ZEB1: variants seen among roughly 807,000 people sequenced by gnomAD.
ZEB1 encodes zinc finger E-box-binding homeobox 1.
A neutral mutation model predicts 84.9 loss-of-function variants in ZEB1; 21 were observed. The observed-to-expected ratio is 0.25, with a 90% CI of 0.18 to 0.36. The LOEUF (loss-of-function observed/expected upper bound fraction) is 0.36, where lower values mean the gene tolerates loss of function less well. Ranked by LOEUF, ZEB1 falls within the 10% of genes least tolerant of loss-of-function variation. The probability of loss-of-function intolerance (pLI) is 1.00; values close to 1 mark genes in which losing one functional copy is unlikely to be tolerated. For missense variants in ZEB1, 1,104 were observed against 1,330.2 expected (o/e 0.83, Z 2.65); for synonymous variants, 420 against 471.1 (o/e 0.89, Z 1.41).
At chr10:31,496,840 A>T (rs141436638) in intron 3 of ZEB1, among the ~76,000 whole-genome samples, 5 of 152,086 alleles carry the variant, frequency 3.3e-5, no homozygotes, top group Non-Finnish European at 5.9e-5. Flanking sequence ...TTCATGGCTA[A>T]TAAGTGTCAA....
At chr10:31,476,556 C>T (rs188627692) in intron 2 of ZEB1, among the ~76,000 whole-genome samples, 61 of 152,132 alleles carry the variant, frequency 4.0e-4, no homozygotes, top group Admixed American at 5.9e-4. Flanking sequence ...AGGTACCAGT[C>T]TTACAGAAAC....
At chr10:31,323,042 A>C (rs1056102904) in intron 1 of ZEB1, among the ~76,000 whole-genome samples, 1 of 152,188 alleles carries the variant, frequency 6.6e-6, no homozygotes, top group African/African-American at 2.4e-5. Context: ...TGCCGAAACT[A>C]GAAAGAAGCA....
chr10:31,469,241 A>G (rs2062840073), intron 2 of ZEB1, among the ~76,000 whole-genome samples: 4 of 152,226 alleles, frequency 2.6e-5, no homozygotes, highest in Non-Finnish European at 5.9e-5. Flanking sequence ...GCTCCGGTCT[A>G]CAGCTCCCAG....
intron 2 of ZEB1, among the ~76,000 whole-genome samples, chr10:31,471,402 G>A (rs2063219406): frequency 6.6e-6 from 1 of 151,072 alleles, no homozygotes; most frequent in African/African-American, 2.4e-5. Flanking sequence ...AAAAAAGGCA[G>A]GGGTTGCAAT....
chr10:31,496,132 T>C (rs1266018158), intron 3 of ZEB1, among the ~76,000 whole-genome samples: 1 of 152,066 alleles, frequency 6.6e-6, no homozygotes, highest in Non-Finnish European at 1.5e-5. Flanking sequence ...GATTTGAACT[T>C]CTATCAAGTT....
intron 1 of ZEB1, among the ~76,000 whole-genome samples, chr10:31,358,846 G>A (rs1443268729): frequency 6.6e-6 from 1 of 152,094 alleles, no homozygotes; most frequent in African/African-American, 2.4e-5. Context: ...AAATATTTTA[G>A]TATCTGGGTC....
intron 1 of ZEB1, among the ~76,000 whole-genome samples, chr10:31,343,949 C>T (rs1366129410): frequency 2.0e-5 from 3 of 152,038 alleles, no homozygotes; most frequent in East Asian, 1.9e-4. Flanking sequence ...ATAATCCCCA[C>T]GTTTTTCTTT....
chr10:31,421,925 G>A (rs1353560096), intron 1 of ZEB1, among the ~76,000 whole-genome samples: 1 of 152,024 alleles, frequency 6.6e-6, no homozygotes, highest in African/African-American at 2.4e-5. Flanking sequence ...TCAAATCACA[G>A]TATTCCCCCC....
intron 1 of ZEB1, among the ~76,000 whole-genome samples, chr10:31,346,062 G>A (rs1019481642): frequency 6.6e-5 from 10 of 152,126 alleles, no homozygotes; most frequent in Non-Finnish European, 8.8e-5. Context: ...CAGAAGCTAC[G>A]ATTTTCTTAC....
chr10:31,366,628 G>GT (rs1564610203), intron 1 of ZEB1, among the ~76,000 whole-genome samples: 1 of 152,154 alleles, frequency 6.6e-6, no homozygotes, highest in Admixed American at 6.5e-5. Flanking sequence ...AATATTCAAC[G>GT]TACTGTCCTG....
intron 1 of ZEB1, among the ~76,000 whole-genome samples, chr10:31,433,708 ACTT>A (rs1347462531): frequency 2.6e-5 from 4 of 152,220 alleles, no homozygotes; most frequent in Non-Finnish European, 4.4e-5. Context: ...AATTTTTACT[ACTT>A]CATCAAGGAT....
chr10:31,523,630 A>G lies in ZEB1; in HGVS notation c.2605-303A>G, dbSNP rs561986371. Among the ~76,000 whole-genome samples the G allele has an allele frequency of 4.6e-5, 7 of 152,350 alleles. No homozygotes were observed. The South Asian group carries it at 1.2e-3, about 27-fold the overall frequency. ...ATGAAACTAGGTAAACTCTGTTACT[A>G]TATATTTTACATGCTTTCTTTTCGG... On this transcript the variant is annotated intron_variant, in intron 7 of 8. Transcript: ENST00000424869.
At chr10:31,387,864 A>G in intron 1 of ZEB1, 7 of 676,424 alleles carry the variant, frequency 1.0e-5, no homozygotes, top group Non-Finnish European at 1.1e-5. Context: ...ACTTGAAAAA[A>G]TTACTTAAAA....
intron 1 of ZEB1, among the ~76,000 whole-genome samples, chr10:31,383,725 T>A (rs2048110898): frequency 6.6e-6 from 1 of 152,188 alleles, no homozygotes; most frequent in African/African-American, 2.4e-5. Flanking sequence ...AGTAGTCATA[T>A]ATGGCTAATG....
At chr10:31,375,304 C>T (rs1470838821) in intron 1 of ZEB1, among the ~76,000 whole-genome samples, 3 of 151,704 alleles carry the variant, frequency 2.0e-5, no homozygotes, top group African/African-American at 7.3e-5. Flanking sequence ...AGAAAGATGT[C>T]CTTCCCATAC....
chr10:31,405,788 G>T (rs1590910697), intron 1 of ZEB1, among the ~76,000 whole-genome samples: 1 of 151,592 alleles, frequency 6.6e-6, no homozygotes, highest in East Asian at 1.9e-4. Flanking sequence ...GTGGTTTGTT[G>T]CACCCATCAA....
intron 8 of ZEB1, among the ~76,000 whole-genome samples, chr10:31,526,183 A>G (rs2073402392): frequency 6.6e-6 from 1 of 152,228 alleles, no homozygotes; most frequent in Admixed American, 6.5e-5. Context: ...TATATACTGT[A>G]TATTTATGAG....
intron 4 of ZEB1, among the ~76,000 whole-genome samples, chr10:31,508,981 G>T (rs1456927594): frequency 6.6e-6 from 1 of 152,176 alleles, no homozygotes; most frequent in Non-Finnish European, 1.5e-5. Context: ...CTGTTGGGGA[G>T]TCTGTCCTTG....
At chr10:31,439,279 A>G (rs1021992821) in intron 1 of ZEB1, among the ~76,000 whole-genome samples, 3 of 152,204 alleles carry the variant, frequency 2.0e-5, no homozygotes, top group Admixed American at 6.6e-5. Context: ...TTGTAATTAA[A>G]AACAAGTTTT....
Sources: gnomAD v4.1 joint callset for allele counts (sites outside exome capture counted in the v4.1 genomes callset) on GRCh38, gnomAD v4.1.1 for gene constraint, MANE v1.5 for transcripts, NCBI Gene and HGNC (gene_info 2026-07-23, HGNC 2026-07-21) for gene names.